The following KCNIP3 variants were observed in gnomAD, a reference collection of about 807,000 sequenced individuals.
KCNIP3 encodes potassium voltage-gated channel interacting protein 3, also known as calsenilin.
Under a neutral mutation model 35.0 loss-of-function variants are expected in KCNIP3, and 28 were observed. That is an observed-to-expected ratio of 0.80 (90% CI 0.59 to 1.10). The LOEUF (loss-of-function observed/expected upper bound fraction) is 1.10, where lower values mean the gene tolerates loss of function less well. Ranked by LOEUF, KCNIP3 falls within the 50% of genes least tolerant of loss-of-function variation. KCNIP3 has a pLI of 0.00. For missense variants in KCNIP3, 295 were observed against 338.4 expected (o/e 0.87, Z 1.01); for synonymous variants, 134 against 133.8 (o/e 1.00, Z -0.01).
chr2:95,308,835 A>C (rs1002520316), intron 1 of KCNIP3, among the ~76,000 whole-genome samples: 2 of 152,184 alleles, frequency 1.3e-5, no homozygotes, highest in Admixed American at 6.5e-5. Context: ...TCCAACTAGC[A>C]CAGGGGCTGT....
chr2:95,328,379 A>C (rs1389626286), intron 2 of KCNIP3, among the ~76,000 whole-genome samples: 1 of 152,270 alleles, frequency 6.6e-6, no homozygotes, highest in Non-Finnish European at 1.5e-5. Flanking sequence ...TCTGAGCCAC[A>C]GTATCCCGCT....
intron 7 of KCNIP3, 77 bp from the exon 8 acceptor site, chr2:95,383,155 C>T: frequency 8.1e-6 from 6 of 742,784 alleles, no homozygotes; most frequent in Non-Finnish European, 1.3e-5. Context: ...CCACCCATGA[C>T]TTCTGCGTCC....
chr2:95,375,938 T>C (rs1305037487), intron 5 of KCNIP3, among the ~76,000 whole-genome samples: 1 of 152,186 alleles, frequency 6.6e-6, no homozygotes, highest in Non-Finnish European at 1.5e-5. Flanking sequence ...TAAGGGCAGC[T>C]AACAGGAAAG....
At chr2:95,322,873 G>C (rs1311205261) in intron 2 of KCNIP3, among the ~76,000 whole-genome samples, 1 of 152,208 alleles carries the variant, frequency 6.6e-6, no homozygotes, top group African/African-American at 2.4e-5. Flanking sequence ...GCGAGGCCCT[G>C]TGCCCCTCTG....
chr2:95,325,880 C>T (rs1678751907), intron 2 of KCNIP3, among the ~76,000 whole-genome samples: 1 of 150,502 alleles, frequency 6.6e-6, no homozygotes, highest in African/African-American at 2.5e-5. Context: ...TACACTCAGA[C>T]ATACACACAC....
In KCNIP3 at chr2:95,308,885, G is replaced by A. The variant is rs190255124; in HGVS notation, c.16-1470G>A. On this transcript the variant is annotated intron_variant, in intron 1 of 8. Coordinates refer to ENST00000295225, the MANE Select transcript of KCNIP3 (RefSeq NM_013434.5). Reference sequence around the variant, plus strand: ...TCTGTAGAAGCTGCTTGACGGCCCCGTCCATCTGTTATTTACTTTGAACAA... The same window carrying A: ...TCTGTAGAAGCTGCTTGACGGCCCCATCCATCTGTTATTTACTTTGAACAA... Among the ~76,000 whole-genome samples the A allele has an allele frequency of 2.6e-4, 39 of 152,286 alleles. No homozygotes were observed. The East Asian group carries it at 5.2e-3, about 20-fold the overall frequency.
intron 2 of KCNIP3, among the ~76,000 whole-genome samples, chr2:95,344,025 C>G (rs1679282948): frequency 6.6e-6 from 1 of 152,044 alleles, no homozygotes; most frequent in Admixed American, 6.5e-5. Flanking sequence ...ACCCCAAGGA[C>G]CAGTGAACTG....
At chr2:95,335,095 C>G (rs1679027967) in intron 2 of KCNIP3, among the ~76,000 whole-genome samples, 1 of 152,234 alleles carries the variant, frequency 6.6e-6, no homozygotes, top group African/African-American at 2.4e-5. Flanking sequence ...GGAACCAGAA[C>G]TACTTAATTA....
intron 2 of KCNIP3, 159 bp downstream of exon 2, chr2:95,310,679 C>G: frequency 1.3e-6 from 1 of 764,174 alleles, no homozygotes; most frequent in Non-Finnish European, 2.2e-6. Flanking sequence ...ACACCCTTCC[C>G]CATTCATTGA....
In KCNIP3 at chr2:95,384,825, C is replaced by T. The variant is rs1680452920; in HGVS notation, c.*776C>T. On this transcript the variant is annotated 3_prime_UTR_variant, in exon 9 of 9. Coordinates refer to ENST00000295225, the MANE Select transcript of KCNIP3 (RefSeq NM_013434.5). ...ATCTGAGGGCACTCTCTGCCAGCTC[C>T]ACAGGGTGGGATGAGCCTCTCCTTG... The T allele has an allele frequency of 6.6e-6, 1 of 152,644 alleles. No homozygotes were observed. The highest frequency in any genetic ancestry group is 2.4e-5 in the African/African-American group (1 of 41,464). The allele number at this position is 152,644 out of a possible 1,614,324, so 9.5% of individuals were successfully genotyped here.
intron 2 of KCNIP3, among the ~76,000 whole-genome samples, chr2:95,365,770 C>G (rs752506882): frequency 2.6e-5 from 4 of 152,084 alleles, no homozygotes; most frequent in Non-Finnish European, 5.9e-5. Context: ...AGCCTTGACC[C>G]ATTTACAGCC....
At chr2:95,342,094 T>C (rs568846448) in intron 2 of KCNIP3, among the ~76,000 whole-genome samples, 2 of 152,164 alleles carry the variant, frequency 1.3e-5, no homozygotes, top group East Asian at 1.9e-4. Context: ...CGGAAGAGCA[T>C]GTGCGAAGAC....
intron 2 of KCNIP3, among the ~76,000 whole-genome samples, chr2:95,354,708 G>T (rs1460527893): frequency 1.3e-5 from 2 of 152,230 alleles, no homozygotes; most frequent in Non-Finnish European, 2.9e-5. Context: ...AGGTGACCTT[G>T]GGGCCTGTTG....
rs750457597 is a variant in KCNIP3 at position 95,381,708 on chromosome 2, TA to T, written c.555+6del. On this transcript the variant is annotated splice_donor_region_variant and intron_variant, in intron 6 of 8. Coordinates refer to ENST00000295225, the MANE Select transcript of KCNIP3 (RefSeq NM_013434.5). ...GATGGCTACATCACCAAAGAGGTAGTAGGGGGCTGGGGGCAGGGATTGTCCC... is the reference window on the plus strand; with the variant it reads ...GATGGCTACATCACCAAAGAGGTAGTGGGGGCTGGGGGCAGGGATTGTCCC... The T allele has an allele frequency of 2.5e-6, 4 of 1,597,860 alleles. No homozygotes were observed. Among genetic ancestry groups the T allele is most frequent in the Non-Finnish European group, 3.4e-6 (4 of 1,165,390 alleles).
chr2:95,343,474 G>A (rs1214218029), intron 2 of KCNIP3, among the ~76,000 whole-genome samples: 1 of 152,178 alleles, frequency 6.6e-6, no homozygotes, highest in Non-Finnish European at 1.5e-5. Flanking sequence ...AGTTGGGACT[G>A]GACCAGTGTG....
At chr2:95,358,518 G>GC (rs1251690226) in intron 2 of KCNIP3, among the ~76,000 whole-genome samples, 1 of 152,186 alleles carries the variant, frequency 6.6e-6, no homozygotes, top group Non-Finnish European at 1.5e-5. Context: ...CTTGATTGCA[G>GC]CCCCCCTGGC....
chr2:95,330,651 G>A (rs565554185), intron 2 of KCNIP3, among the ~76,000 whole-genome samples: 81 of 152,306 alleles, frequency 5.3e-4, no homozygotes, highest in Non-Finnish European at 1.0e-3. Flanking sequence ...AGCTGGCCTG[G>A]AGCCAGTGGC....
rs1345363827 is a variant in KCNIP3, at chr2:95,378,805, T to C, written c.448-2791T>C. Among the ~76,000 whole-genome samples the C allele has an allele frequency of 2.6e-5, 4 of 150,974 alleles. No individual in the cohort carries two copies. Among genetic ancestry groups the C allele is most frequent in the African/African-American group, 9.8e-5 (4 of 40,840 alleles). ...ACACACACACACACACATATATATA[T>C]ATACACACACACACACATATATACA... On this transcript the variant is annotated intron_variant, in intron 5 of 8. Coordinates refer to ENST00000295225, the MANE Select transcript of KCNIP3 (RefSeq NM_013434.5). This position sits in a 1 kb window ranked among gnomAD's most constrained non-coding sequence, Gnocchi z 4.0.
chr2:95,333,330 C>G (rs1678978873), intron 2 of KCNIP3, among the ~76,000 whole-genome samples: 1 of 152,180 alleles, frequency 6.6e-6, no homozygotes, highest in Non-Finnish European at 1.5e-5. Context: ...AAGTATTTGT[C>G]AAATGAGTAA....
Sources: gnomAD v4.1 joint callset for allele counts (sites outside exome capture counted in the v4.1 genomes callset) on GRCh38, gnomAD v4.1.1 for gene constraint, Gnocchi (gnomAD v3.1) non-coding constraint, MANE v1.5 for transcripts, NCBI Gene and HGNC (gene_info 2026-07-23, HGNC 2026-07-21) for gene names.